SNW1: variants seen among roughly 807,000 people sequenced by gnomAD.
SNW1 encodes SNW domain containing 1.
A neutral mutation model predicts 75.6 loss-of-function variants in SNW1; 9 were observed. The observed-to-expected ratio is 0.12, with a 90% confidence interval of 0.07 to 0.21. The LOEUF (loss-of-function observed/expected upper bound fraction) is 0.21, where lower values mean the gene tolerates loss of function less well. Among genes scored for constraint, SNW1 ranks in the 10% least tolerant of loss-of-function variants. The pLI is 1.00. For missense variants in SNW1, 409 were observed against 670.9 expected (o/e 0.61, Z 4.31); for synonymous variants, 200 against 219.1 (o/e 0.91, Z 0.77).
chr14:77,723,631 T>A (rs1200594561), intron 10 of SNW1, among the ~76,000 whole-genome samples: 2 of 152,152 alleles, frequency 1.3e-5, no homozygotes, highest in Non-Finnish European at 2.9e-5. Context: ...GTCACAGGTG[T>A]GAGCCACTGC....
rs1003969974 is a variant in SNW1 at position 77,739,002 on chromosome 14, T to C, written c.390A>G (p.Pro130=). Residue 130 remains proline, a synonymous_variant, in exon 4 of 14, where the codon CCA becomes CCG. Coordinates refer to ENST00000261531, the MANE Select transcript of SNW1 (RefSeq NM_012245.3). ...VPKEVMNADD[P]DLQRPDEEAI... ...CTTCTTCATCGGGCCTTTGCAGGTCTGGATCATCTGCATTCATAACCTCCT... is the reference window on the plus strand; with the variant it reads ...CTTCTTCATCGGGCCTTTGCAGGTCCGGATCATCTGCATTCATAACCTCCT... The C allele has an allele frequency of 3.1e-6, 5 of 1,614,036 alleles. No homozygotes were observed. The highest frequency in any genetic ancestry group is 2.7e-5 in the African/African-American group (2 of 74,932).
At chr14:77,720,564 A>T (rs2080531243) in intron 12 of SNW1, 147 bp downstream of exon 12, 1 of 776,832 alleles carries the variant, frequency 1.3e-6, no homozygotes, top group South Asian at 1.3e-5. Flanking sequence ...GAACTGTTTC[A>T]TCTTGTCTCA....
intron 11 of SNW1, among the ~76,000 whole-genome samples, chr14:77,721,442 G>T (rs370331549): frequency 2.0e-5 from 3 of 152,184 alleles, no homozygotes; most frequent in African/African-American, 7.2e-5. Flanking sequence ...TCTATAGGCT[G>T]TTTGATTTTC....
intron 10 of SNW1, among the ~76,000 whole-genome samples, chr14:77,728,032 T>C (rs910475086): frequency 3.5e-5 from 5 of 143,798 alleles, no homozygotes; most frequent in Admixed American, 7.3e-5. Context: ...TTTTCTTTCA[T>C]GGGAGCAATG....
intron 12 of SNW1, among the ~76,000 whole-genome samples, chr14:77,718,946 G>A (rs998038445): frequency 6.6e-5 from 10 of 152,138 alleles, no homozygotes; most frequent in African/African-American, 2.4e-4. Flanking sequence ...CCTGACCTCA[G>A]GTGATCGCCT....
intron 3 of SNW1, among the ~76,000 whole-genome samples, chr14:77,749,581 A>C (rs908889038): frequency 6.6e-6 from 1 of 152,050 alleles, no homozygotes; most frequent in South Asian, 2.1e-4. Flanking sequence ...CCTGGCTAAC[A>C]TGGTGAAACC....
chr14:77,733,499 C>T (rs2080643457), intron 8 of SNW1, among the ~76,000 whole-genome samples: 1 of 151,996 alleles, frequency 6.6e-6, no homozygotes, highest in Admixed American at 6.6e-5. Flanking sequence ...AATCCCAACA[C>T]TTTGGGAGGC....
intron 1 of SNW1, among the ~76,000 whole-genome samples, chr14:77,755,407 G>A (rs1031755401): frequency 5.9e-5 from 9 of 152,114 alleles, no homozygotes; most frequent in East Asian, 1.9e-4. Flanking sequence ...ACTCTTAAGC[G>A]TTTATGCTTC....
rs2080503360 is a variant in SNW1 at position 77,718,022 on chromosome 14, TCC to T, written c.*64_*65del. 1.2e-5 allele frequency: 17 copies of T among 1,416,354 alleles called. No homozygotes were observed. In the South Asian group the frequency reaches 2.1e-4, roughly 18 times the overall value. The allele number at this position is 1,416,354 out of a possible 1,614,324, so 87.7% of individuals were successfully genotyped here. Reference sequence around the variant, plus strand: ...TTTATCCTGACCATTTACAAAGTGTTCCCCCATATGACTTGCATCATTAGGGT... The same window carrying T: ...TTTATCCTGACCATTTACAAAGTGTTCCCATATGACTTGCATCATTAGGGT... On this transcript the variant is annotated 3_prime_UTR_variant, in exon 14 of 14. Coordinates refer to ENST00000261531, the MANE Select transcript of SNW1 (RefSeq NM_012245.3).
In SNW1 at chr14:77,719,953, G is replaced by A. The variant is rs986223126; in HGVS notation, c.1248+758C>T. ...TATTCTTGTGTGTGCGCATGCGCCC[G>A]CGTGTGTTTTCCCAGGCTTAAAGTG... On this transcript the variant is annotated intron_variant, in intron 12 of 13. Transcript: ENST00000261531. Among the ~76,000 whole-genome samples the A allele has an allele frequency of 7.2e-5, 11 of 152,304 alleles. No homozygotes were observed. The East Asian group carries it at 1.2e-3, about 16-fold the overall frequency.
chr14:77,736,768 CCT>C (rs1330025873), intron 6 of SNW1, among the ~76,000 whole-genome samples: 1 of 152,140 alleles, frequency 6.6e-6, no homozygotes, highest in Admixed American at 6.6e-5. Context: ...CCTCCCATCT[CCT>C]CTCTGTCCCT....
chr14:77,735,833 A>G (rs2139908953), intron 7 of SNW1, 104 bp downstream of exon 7: 1 of 721,744 alleles, frequency 1.4e-6, no homozygotes, highest in Non-Finnish European at 2.3e-6. Context: ...AAAAGAAACT[A>G]CAAGTCAGTG....
At chr14:77,751,282 A>G (rs2080805290) in intron 3 of SNW1, 37 bp downstream of exon 3, 7 of 1,569,558 alleles carry the variant, frequency 4.5e-6, no homozygotes, top group Non-Finnish European at 6.1e-6. Context: ...ATGTTTCCTA[A>G]AATATTTATC....
rs2080505354 is a variant in SNW1, at chr14:77,718,231, C to T, written c.1468G>A (p.Gly490Arg). 6.2e-7 allele frequency: 1 copy of T among 1,613,328 alleles called. No homozygotes were observed. Among genetic ancestry groups the T allele is most frequent in the Non-Finnish European group, 8.5e-7 (1 of 1,179,608 alleles). Reference sequence around the variant, plus strand: ...GGATCTTCCTCAAACTGCACTGGTCCTTCTCGGCCTCTCTGTCTACGGTCT... The same window carrying T: ...GGATCTTCCTCAAACTGCACTGGTCTTTCTCGGCCTCTCTGTCTACGGTCT... ...GSDRRQRGREGPVQFEEDPFG... is the reference protein window; with the variant it reads ...GSDRRQRGRERPVQFEEDPFG... The change falls in exon 14 of 14, where the codon GGA becomes AGA. Residue 490 changes from glycine to arginine, a missense_variant. Gly to Arg is a moderately radical substitution (Grantham distance 125, BLOSUM62 -2). This residue lies in a region of SNW1 where 126 missense variants were observed against 167.6 expected (regional missense o/e 0.75). Transcript: ENST00000261531.
At chr14:77,731,765 G>C (rs1358468234) in intron 9 of SNW1, among the ~76,000 whole-genome samples, 1 of 152,118 alleles carries the variant, frequency 6.6e-6, no homozygotes, top group Non-Finnish European at 1.5e-5. Context: ...GAGATGAAGT[G>C]TCTTACTCTG....
chr14:77,724,228 A>G (rs1332205276), intron 10 of SNW1, among the ~76,000 whole-genome samples: 1 of 152,204 alleles, frequency 6.6e-6, no homozygotes, highest in Non-Finnish European at 1.5e-5. Flanking sequence ...ATACATATTT[A>G]TGGGGTATAT....
chr14:77,740,549 C>G (rs1217047939), intron 3 of SNW1, among the ~76,000 whole-genome samples: 1 of 152,186 alleles, frequency 6.6e-6, no homozygotes, highest in Non-Finnish European at 1.5e-5. Flanking sequence ...AGCTCATCTT[C>G]TGTTTCTTGA....
intron 6 of SNW1, 36 bp from the exon 7 acceptor site, chr14:77,736,042 T>G (rs1648385079): frequency 1.3e-6 from 2 of 1,485,294 alleles, no homozygotes; most frequent in Admixed American, 1.8e-5. Flanking sequence ...AGTGATATAG[T>G]TTCCTCCCTT....
intron 3 of SNW1, among the ~76,000 whole-genome samples, chr14:77,750,260 C>G (rs72687223): frequency 6.6e-6 from 1 of 151,930 alleles, no homozygotes; most frequent in Non-Finnish European, 1.5e-5. Flanking sequence ...GAAGGCATTT[C>G]GTGCAAAAAC....
Sources: allele counts gnomAD v4.1 joint callset (sites outside exome capture counted in the v4.1 genomes callset), GRCh38; gene constraint gnomAD v4.1.1; regional missense constraint gnomAD v4.1.1; transcripts MANE v1.5; gene names NCBI Gene and HGNC (gene_info 2026-07-23, HGNC 2026-07-21).